Variants in CSMD1 observed in about 807,000 individuals in gnomAD.
CSMD1 encodes CUB and Sushi multiple domains 1, also known as CUB and sushi domain-containing protein 1.
A neutral mutation model predicts 417.5 loss-of-function variants in CSMD1; 213 were observed. The observed-to-expected ratio is 0.51, with a 90% CI of 0.46 to 0.57. CSMD1 has a LOEUF of 0.57. Ranked by LOEUF, CSMD1 falls within the 20% of genes least tolerant of loss-of-function variation. The pLI is 0.00. For missense variants in CSMD1, 6,923 were observed against 4,529.7 expected, an observed-to-expected ratio of 1.53 and a Z score of -15.17; for synonymous variants, 2,862 against 1,736.8, an observed-to-expected ratio of 1.65 and a Z score of -16.11.
intron 5 of CSMD1, among the ~76,000 whole-genome samples, chr8:3,974,725 A>G (rs2130118088): frequency 1.3e-5 from 2 of 152,178 alleles, no homozygotes; most frequent in East Asian, 3.9e-4. Context: ...TGAAGAACAG[A>G]ACAGGCAAAA....
chr8:4,618,145 A>G (rs1200878468), intron 2 of CSMD1, among the ~76,000 whole-genome samples: 1 of 152,122 alleles, frequency 6.6e-6, no homozygotes, highest in Non-Finnish European at 1.5e-5. Context: ...CAAGAAAACA[A>G]AACCAGAACC....
intron 10 of CSMD1, among the ~76,000 whole-genome samples, chr8:3,504,222 T>A (rs1390976440): frequency 6.7e-6 from 1 of 148,658 alleles, no homozygotes; most frequent in Non-Finnish European, 1.5e-5. Flanking sequence ...ACAGGTACAA[T>A]TATTATGTAT....
At chr8:3,185,373 A>G (rs1289123173) in intron 36 of CSMD1, among the ~76,000 whole-genome samples, 2 of 152,066 alleles carry the variant, frequency 1.3e-5, no homozygotes, top group African/African-American at 2.4e-5. Context: ...TTTTTTCACT[A>G]TTATTAGTAA....
At chr8:4,407,756 A>C (rs531142740) in intron 3 of CSMD1, among the ~76,000 whole-genome samples, 6 of 152,338 alleles carry the variant, frequency 3.9e-5, no homozygotes, top group African/African-American at 1.4e-4. Flanking sequence ...TCCTTTAAAA[A>C]CAGTCAAGTA....
chr8:3,643,642 A>C (rs1207133423), intron 7 of CSMD1, among the ~76,000 whole-genome samples: 1 of 144,546 alleles, frequency 6.9e-6, no homozygotes, highest in Admixed American at 7.2e-5. Context: ...TGGAGCTTGC[A>C]GTGAGCCGAG....
Position 3,409,542 on chromosome 8 carries a change from C to G in CSMD1, c.1625G>C (p.Ser542Thr), listed in dbSNP as rs543277301. 6.2e-7 allele frequency: 1 copy of G among 1,611,314 alleles called. No homozygotes were observed. Among genetic ancestry groups the G allele is most frequent in the African/African-American group, 1.3e-5 (1 of 75,002 alleles). ...IPAYGKRTGS[S>T]FLHGDTLTFE... is the part of the protein sequence containing the mutation. ...GGTGAGTGTATCTCCATGGAGGAAACTGCTGCCCGTCCGCTTCCCATAGGC... is the reference window on the plus strand; with the variant it reads ...GGTGAGTGTATCTCCATGGAGGAAAGTGCTGCCCGTCCGCTTCCCATAGGC... The change falls in exon 13 of 70, where the codon AGT becomes ACT. Residue 542 changes from serine (S) to threonine (T), a missense_variant. Physicochemically the swap from Ser to Thr is moderately conservative, Grantham distance 58. Transcript: ENST00000635120.
intron 26 of CSMD1, among the ~76,000 whole-genome samples, chr8:3,231,808 G>A (rs1034573829): frequency 6.6e-6 from 1 of 152,270 alleles, no homozygotes; most frequent in Admixed American, 6.5e-5. Context: ...AGTACTTAAT[G>A]ATCACTTAAG....
At chr8:3,694,840 C>T (rs1473758062) in intron 7 of CSMD1, among the ~76,000 whole-genome samples, 2 of 151,926 alleles carry the variant, frequency 1.3e-5, no homozygotes, top group African/African-American at 4.8e-5. Context: ...TGAGCCAGGA[C>T]ATGAAGCAAT....
chr8:4,935,691 G>C (rs1054095124), intron 1 of CSMD1, among the ~76,000 whole-genome samples: 1 of 152,022 alleles, frequency 6.6e-6, no homozygotes, highest in African/African-American at 2.4e-5. Context: ...CATATTTTTA[G>C]TTCTTGTTAG....
intron 17 of CSMD1, among the ~76,000 whole-genome samples, chr8:3,388,301 G>C (rs1456787745): frequency 6.6e-6 from 1 of 152,144 alleles, no homozygotes; most frequent in South Asian, 2.1e-4. Context: ...TAATGTGCAT[G>C]AAGTAATTAT....
rs869173951 is a variant in CSMD1 at position 3,156,986 on chromosome 8, CAAAAA to C, written c.5914+906_5914+910del. ...GTAATACCCAGATTTGTTGTTTAGA[CAAAAA>C]AAAAAAAAAAAAAAAAAGCAGGATA... On this transcript the variant is annotated intron_variant, in intron 39 of 69. Transcript: ENST00000635120. Among the ~76,000 whole-genome samples the C allele has an allele frequency of 5.1e-4, 33 of 64,446 alleles. No homozygotes were observed. In the East Asian group the frequency reaches 0.016, roughly 31 times the overall value. The allele number at this position is 64,446 out of a possible 152,430, so 42.3% of individuals were successfully genotyped here. A position where few individuals can be genotyped will look rare whatever the true frequency, so the allele number is the denominator to read the frequency against.
At chr8:4,426,401 TATATACTATATATACAATATCATAAAC>T (rs1797557126) in intron 2 of CSMD1, among the ~76,000 whole-genome samples, 1 of 149,252 alleles carries the variant, frequency 6.7e-6, no homozygotes, top group African/African-American at 2.4e-5. Flanking sequence ...TAAACCTTTT[TATATACTATATATACAATATCATAAAC>T]ATATACTATA....
chr8:4,945,394 G>C (rs1378887338), intron 1 of CSMD1, among the ~76,000 whole-genome samples: 1 of 151,948 alleles, frequency 6.6e-6, no homozygotes, highest in East Asian at 1.9e-4. Flanking sequence ...AGTTCAGATA[G>C]TAAATTTCAT....
At chr8:4,260,511 A>G (rs1479198651) in intron 3 of CSMD1, among the ~76,000 whole-genome samples, 1 of 152,214 alleles carries the variant, frequency 6.6e-6, no homozygotes, top group Admixed American at 6.5e-5. Context: ...AATGTTAAAG[A>G]ACACTAGTCA....
intron 5 of CSMD1, among the ~76,000 whole-genome samples, chr8:3,912,563 G>C (rs1808533777): frequency 1.3e-5 from 2 of 152,188 alleles, no homozygotes; most frequent in Admixed American, 6.5e-5. Flanking sequence ...TGCCAAGGTG[G>C]TTTTGGAGAT....
At chr8:4,503,710 A>G (rs1411606030) in intron 2 of CSMD1, among the ~76,000 whole-genome samples, 1 of 152,064 alleles carries the variant, frequency 6.6e-6, no homozygotes, top group Non-Finnish European at 1.5e-5. Context: ...AACAAGTGGG[A>G]GCTGGAAATT....
intron 1 of CSMD1, among the ~76,000 whole-genome samples, chr8:4,953,579 T>C (rs1445652216): frequency 1.3e-5 from 2 of 152,132 alleles, no homozygotes; most frequent in African/African-American, 2.4e-5. Context: ...TGAGAAACGA[T>C]TGTCAACTAG....
At chr8:3,683,611 G>T (rs949866778) in intron 7 of CSMD1, among the ~76,000 whole-genome samples, 1 of 152,120 alleles carries the variant, frequency 6.6e-6, no homozygotes, top group East Asian at 1.9e-4. Flanking sequence ...CTTCTGCCAG[G>T]TCTTCCGCTG....
intron 6 of CSMD1, among the ~76,000 whole-genome samples, chr8:3,741,385 G>T (rs114167843): frequency 1.3e-5 from 2 of 152,120 alleles, no homozygotes; most frequent in Admixed American, 6.6e-5. Flanking sequence ...TGTATCACAG[G>T]ATGGCATATA....
Sources: allele counts gnomAD v4.1 joint callset (sites outside exome capture counted in the v4.1 genomes callset), GRCh38; gene constraint gnomAD v4.1.1; transcripts MANE v1.5; gene names NCBI Gene and HGNC (gene_info 2026-07-23, HGNC 2026-07-21).